Variants in AOPEP observed in about 807,000 individuals in gnomAD.
AOPEP encodes the protein aminopeptidase O (putative).
In AOPEP, 77 loss-of-function variants were observed where a neutral mutation model predicts 98.1. That is an observed-to-expected ratio of 0.78 (90% CI 0.65 to 0.95). AOPEP has a LOEUF of 0.95. Among genes scored for constraint, AOPEP ranks in the 40% least tolerant of loss-of-function variants. The probability of loss-of-function intolerance (pLI) is 0.00; values close to 1 mark genes in which losing one functional copy is unlikely to be tolerated. For missense variants in AOPEP, 1,024 were observed against 1,024.7 expected (o/e 1.00, Z 0.01); for synonymous variants, 346 against 365.3 (o/e 0.95, Z 0.60).
intron 5 of AOPEP, among the ~76,000 whole-genome samples, chr9:94,863,695 C>T (rs958690037): frequency 3.9e-5 from 6 of 152,178 alleles, no homozygotes; most frequent in South Asian, 4.1e-4. Flanking sequence ...GGATTACAGA[C>T]GTGAGCCACC....
At position 95,082,563 on chromosome 9, in the gene AOPEP, T is replaced by C; in HGVS notation, c.2320-12T>C. 1 of 1,613,848 alleles carries C rather than the reference T, an allele frequency of 6.2e-7. No individual in the cohort carries two copies. The highest frequency in any genetic ancestry group is 8.5e-7 in the Non-Finnish European group (1 of 1,179,882). On this transcript the variant is annotated splice_polypyrimidine_tract_variant and intron_variant, in intron 15 of 16. Coordinates refer to ENST00000375315, the MANE Select transcript of AOPEP (RefSeq NM_001193329.3). ...CCTTCGCCTGATGCCCTTTGGCCTCTGTGCCCTGCAGGCCATGGGTGTGTA... is the reference window on the plus strand; with the variant it reads ...CCTTCGCCTGATGCCCTTTGGCCTCCGTGCCCTGCAGGCCATGGGTGTGTA...
chr9:94,807,937 G>A (rs1000796761), intron 5 of AOPEP, among the ~76,000 whole-genome samples: 35 of 152,164 alleles, frequency 2.3e-4, no homozygotes, highest in African/African-American at 8.2e-4. Context: ...CCACCTCTGC[G>A]CCATAGAGGC....
At chr9:95,120,348 A>G in the AOPEP span, among the ~76,000 whole-genome samples, 2 of 152,120 alleles carry the variant, frequency 1.3e-5, no homozygotes, top group Admixed American at 1.3e-4. Context: ...TCTGGACTCA[A>G]TTCTGATCTA....
chr9:95,144,785 A>G, the AOPEP span, among the ~76,000 whole-genome samples: 2 of 152,286 alleles, frequency 1.3e-5, no homozygotes, highest in South Asian at 2.1e-4. Flanking sequence ...TGGTGTGATC[A>G]GTGGTGGGGC....
At chr9:94,756,020 G>A (rs900205039) in intron 1 of AOPEP, among the ~76,000 whole-genome samples, 1 of 152,178 alleles carries the variant, frequency 6.6e-6, no homozygotes, top group Non-Finnish European at 1.5e-5. Flanking sequence ...AGCACTTTGG[G>A]AGGCCGAGGC....
intron 13 of AOPEP, among the ~76,000 whole-genome samples, chr9:95,058,290 A>G (rs932377390): frequency 2.6e-5 from 4 of 152,310 alleles, no homozygotes; most frequent in Non-Finnish European, 5.9e-5. Flanking sequence ...GTGTCTCTTT[A>G]GTTTAGACCA....
chr9:95,018,533 A>G (rs1195853246), intron 13 of AOPEP, among the ~76,000 whole-genome samples: 2 of 152,228 alleles, frequency 1.3e-5, no homozygotes, highest in Admixed American at 1.3e-4. Flanking sequence ...TTGGAGTTGT[A>G]GCAACCTGCT....
At chr9:95,058,276 CTG>C (rs1252762310) in intron 13 of AOPEP, among the ~76,000 whole-genome samples, 1 of 152,226 alleles carries the variant, frequency 6.6e-6, no homozygotes, top group Admixed American at 6.5e-5. Context: ...TTTCTTTGCT[CTG>C]TGTGTCTCTT....
At chr9:95,077,426 G>A (rs1018073926) in intron 14 of AOPEP, among the ~76,000 whole-genome samples, 1 of 152,218 alleles carries the variant, frequency 6.6e-6, no homozygotes, top group African/African-American at 2.4e-5. Context: ...GGTGGCTGGC[G>A]ACCAGAAGAG....
At chr9:94,844,592 C>G (rs1292027050) in intron 5 of AOPEP, among the ~76,000 whole-genome samples, 1 of 152,230 alleles carries the variant, frequency 6.6e-6, no homozygotes, top group Non-Finnish European at 1.5e-5. Flanking sequence ...CCAGAACTTA[C>G]TCTTCCAGTC....
At chr9:94,919,965 G>A (rs1244986008) in intron 5 of AOPEP, among the ~76,000 whole-genome samples, 2 of 152,170 alleles carry the variant, frequency 1.3e-5, no homozygotes, top group Non-Finnish European at 2.9e-5. Context: ...ATGTAAGTCT[G>A]TATGATGCCT....
chr9:94,992,720 G>T (rs577655274), intron 11 of AOPEP, among the ~76,000 whole-genome samples: 1 of 152,222 alleles, frequency 6.6e-6, no homozygotes. Flanking sequence ...GGTAAGGGGA[G>T]CTGGCCTGGG....
intron 13 of AOPEP, among the ~76,000 whole-genome samples, chr9:95,033,117 A>G (rs2064464612): frequency 6.6e-6 from 1 of 152,168 alleles, no homozygotes; most frequent in Non-Finnish European, 1.5e-5. Flanking sequence ...CTCCTGTGCT[A>G]TGTGCTGTTA....
intron 5 of AOPEP, among the ~76,000 whole-genome samples, chr9:94,811,853 G>C (rs1037892147): frequency 6.6e-6 from 1 of 152,186 alleles, no homozygotes; most frequent in Non-Finnish European, 1.5e-5. Context: ...AATTTTACCT[G>C]TTTAAACTTG....
chr9:95,144,861 C>T, the AOPEP span, among the ~76,000 whole-genome samples: 1 of 152,184 alleles, frequency 6.6e-6, no homozygotes, highest in Non-Finnish European at 1.5e-5. Flanking sequence ...CCGCGCCGCA[C>T]GTTCACAACG....
chr9:94,933,233 G>A, intron 7 of AOPEP: 1 of 985,622 alleles, frequency 1.0e-6, no homozygotes, highest in Non-Finnish European at 1.2e-6. Context: ...GCTTCCGAAA[G>A]GCTCGCCATG....
At chr9:94,933,346 G>C in intron 7 of AOPEP, 1 of 985,460 alleles carries the variant, frequency 1.0e-6, no homozygotes, top group Non-Finnish European at 1.2e-6. Flanking sequence ...TAAGGTGGCA[G>C]GGTCAGAAGA....
intron 5 of AOPEP, chr9:94,824,409 A>C (rs1854000001): frequency 6.6e-6 from 1 of 152,210 alleles, no homozygotes; most frequent in South Asian, 2.1e-4. Flanking sequence ...TCTTGTGTTT[A>C]TGAATGCAGA....
chr9:94,911,260 A>G (rs1462344813), intron 5 of AOPEP, among the ~76,000 whole-genome samples: 2 of 152,226 alleles, frequency 1.3e-5, no homozygotes, highest in Admixed American at 6.5e-5. Context: ...ATGTTGGGTG[A>G]TCAATGGCCT....
Sources: gnomAD v4.1 joint callset for allele counts (sites outside exome capture counted in the v4.1 genomes callset) on GRCh38, gnomAD v4.1.1 for gene constraint, MANE v1.5 for transcripts, NCBI Gene and HGNC (gene_info 2026-07-23, HGNC 2026-07-21) for gene names.